Variants in FOXO1 observed in about 807,000 individuals in gnomAD.
FOXO1 encodes forkhead box O1.
In FOXO1, 6 loss-of-function variants were observed where a neutral mutation model predicts 44.1. The ratio of observed to expected loss-of-function variants is 0.14; its 90% CI spans 0.07 to 0.27. The LOEUF (loss-of-function observed/expected upper bound fraction) is 0.27. FOXO1 is among the 10% of genes least tolerant of loss of function. The pLI, the probability that FOXO1 is intolerant of heterozygous loss-of-function variation, is 1.00. For missense variants in FOXO1, 737 were observed against 888.8 expected (o/e 0.83, Z 2.17); for synonymous variants, 380 against 362.7 (o/e 1.05, Z -0.54).
chr13:40,619,822 A>G, intron 1 of FOXO1: 1 of 769,498 alleles, frequency 1.3e-6, no homozygotes, highest in Non-Finnish European at 2.4e-6. Context: ...TAGTCACACA[A>G]ACCAGTCGGG....
intron 1 of FOXO1, among the ~76,000 whole-genome samples, chr13:40,573,493 A>G (rs1874626041): frequency 6.6e-6 from 1 of 152,202 alleles, no homozygotes; most frequent in African/African-American, 2.4e-5. Context: ...AGGTAGGAAA[A>G]AAGGGATCCC....
At chr13:40,614,094 A>C (rs1876329118) in intron 1 of FOXO1, among the ~76,000 whole-genome samples, 2 of 152,154 alleles carry the variant, frequency 1.3e-5, no homozygotes, top group African/African-American at 4.8e-5. Context: ...CTATTTCAGG[A>C]ATAAGGACAA....
At chr13:40,628,907 C>T (rs1876873718) in intron 1 of FOXO1, among the ~76,000 whole-genome samples, 1 of 152,140 alleles carries the variant, frequency 6.6e-6, no homozygotes, top group South Asian at 2.1e-4. Flanking sequence ...ACTGTGAGAC[C>T]ACCTATGGCC....
chr13:40,576,599 G>C (rs1368453221), intron 1 of FOXO1, among the ~76,000 whole-genome samples: 1 of 152,148 alleles, frequency 6.6e-6, no homozygotes, highest in Non-Finnish European at 1.5e-5. Context: ...CTGAGAGAAG[G>C]GCCTCCAGAA....
chr13:40,563,484 G>A (rs1329965690), intron 1 of FOXO1, among the ~76,000 whole-genome samples: 2 of 152,134 alleles, frequency 1.3e-5, no homozygotes, highest in African/African-American at 4.8e-5. Context: ...TCCTGCCAGA[G>A]CATACAGTGA....
intron 1 of FOXO1, among the ~76,000 whole-genome samples, chr13:40,639,064 C>T (rs542418206): frequency 1.3e-5 from 2 of 152,086 alleles, no homozygotes; most frequent in Non-Finnish European, 2.9e-5. Context: ...TGTGGTGGTG[C>T]GTGCCTGTAA....
chr13:40,662,501 T>G (rs1317506135), intron 1 of FOXO1, among the ~76,000 whole-genome samples: 1 of 152,234 alleles, frequency 6.6e-6, no homozygotes, highest in Non-Finnish European at 1.5e-5. Flanking sequence ...CCACTTTGTG[T>G]GTGACCTTAT....
At chr13:40,614,763 C>G (rs1876361941) in intron 1 of FOXO1, among the ~76,000 whole-genome samples, 1 of 152,204 alleles carries the variant, frequency 6.6e-6, no homozygotes, top group Admixed American at 6.5e-5. Context: ...AAGTGCTAAT[C>G]CACAGAACTA....
At chr13:40,665,231 A>C (rs564777360) in intron 1 of FOXO1, among the ~76,000 whole-genome samples, 62 of 152,068 alleles carry the variant, frequency 4.1e-4, no homozygotes, top group African/African-American at 1.5e-3. Flanking sequence ...GGGGCAGCCG[A>C]AGCAGTCGGC....
chr13:40,585,963 C>T (rs989510932), intron 1 of FOXO1, among the ~76,000 whole-genome samples: 2 of 152,184 alleles, frequency 1.3e-5, no homozygotes, highest in African/African-American at 4.8e-5. Context: ...ATTGTGTGTT[C>T]AAGTGACTGA....
chr13:40,651,701 ATC>A lies in FOXO1; in HGVS notation c.630+13880_630+13881del, dbSNP rs1326870093. ...CATTATATTTATAACATAAATATAC[ATC>A]TAAATATACATCATATTTATAATAT... On this transcript the variant is annotated intron_variant, in intron 1 of 2. Coordinates refer to ENST00000379561, the MANE Select transcript of FOXO1 (RefSeq NM_002015.4). Among the ~76,000 whole-genome samples the A allele has an allele frequency of 3.3e-5, 5 of 151,342 alleles. No individual in the cohort carries two copies. The East Asian group carries it at 9.7e-4, about 29-fold the overall frequency.
intron 1 of FOXO1, among the ~76,000 whole-genome samples, chr13:40,585,091 G>A (rs893320407): frequency 8.5e-5 from 13 of 152,094 alleles, no homozygotes; most frequent in African/African-American, 3.1e-4. Context: ...GGTACTTTTG[G>A]TCATTAACAC....
rs139573535 is a variant in FOXO1 at position 40,613,541 on chromosome 13, T to C, written c.630+52042A>G. On this transcript the variant is annotated intron_variant, in intron 1 of 2. Coordinates refer to ENST00000379561, the MANE Select transcript of FOXO1 (RefSeq NM_002015.4). Reference sequence around the variant, plus strand: ...AGCAGCTCCGGTCCCCATCTGCAGTTTGAGTGTTAATCTAGATGGTAGTTT... The same window carrying C: ...AGCAGCTCCGGTCCCCATCTGCAGTCTGAGTGTTAATCTAGATGGTAGTTT... 8.9e-3 allele frequency among the ~76,000 whole-genome samples: 1,352 copies of C among 152,282 alleles called. 15 individuals carry two copies. Among genetic ancestry groups the C allele is most frequent in the Admixed American group, 0.013 (195 of 15,296 alleles).
intron 1 of FOXO1, among the ~76,000 whole-genome samples, chr13:40,659,314 C>CAAAAAAAA (rs1210028542): frequency 1.7e-4 from 15 of 87,514 alleles, no homozygotes; most frequent in South Asian, 3.7e-4. Flanking sequence ...GACTCCGTCT[C>CAAAAAAAA]AAAAAAAAAA....
intron 1 of FOXO1, among the ~76,000 whole-genome samples, chr13:40,623,969 T>C (rs1187631696): frequency 1.3e-5 from 2 of 148,572 alleles, no homozygotes; most frequent in South Asian, 2.1e-4. Flanking sequence ...CCAGGCACGG[T>C]GGCGCACGCC....
At chr13:40,627,163 C>A (rs965590402) in intron 1 of FOXO1, among the ~76,000 whole-genome samples, 2 of 152,182 alleles carry the variant, frequency 1.3e-5, no homozygotes, top group Non-Finnish European at 2.9e-5. Context: ...CGGCTTCCAC[C>A]AACCTAAGCC....
At chr13:40,585,372 C>CACACACACAG in intron 1 of FOXO1, among the ~76,000 whole-genome samples, 3 of 151,984 alleles carry the variant, frequency 2.0e-5, no homozygotes, top group African/African-American at 7.2e-5. Context: ...CACACACACA[C>CACACACACAG]AGCCAACTTC....
chr13:40,651,938 T>C (rs1466887000), intron 1 of FOXO1, among the ~76,000 whole-genome samples: 2 of 152,096 alleles, frequency 1.3e-5, no homozygotes, highest in African/African-American at 4.8e-5. Context: ...AATTCAGTCA[T>C]ACAGATTGAA....
chr13:40,632,500 T>G (rs981573539), intron 1 of FOXO1, among the ~76,000 whole-genome samples: 1 of 151,108 alleles, frequency 6.6e-6, no homozygotes, highest in African/African-American at 2.4e-5. Context: ...TAGCCAGGGG[T>G]GGTGGTGGGC....
Sources: allele counts gnomAD v4.1 joint callset (sites outside exome capture counted in the v4.1 genomes callset), GRCh38; gene constraint gnomAD v4.1.1; transcripts MANE v1.5; gene names NCBI Gene and HGNC (gene_info 2026-07-23, HGNC 2026-07-21).